The following NUP88 variants were observed in gnomAD, a reference collection of about 807,000 sequenced individuals.
NUP88 encodes nucleoporin 88.
Under a neutral mutation model 93.9 loss-of-function variants are expected in NUP88, and 57 were observed. The ratio of observed to expected loss-of-function variants is 0.61; its 90% confidence interval spans 0.49 to 0.76. The LOEUF (loss-of-function observed/expected upper bound fraction) is 0.76. Ranked by LOEUF, NUP88 falls within the 30% of genes least tolerant of loss-of-function variation. The pLI is 0.00. For synonymous variants in NUP88, 346 were observed against 336.8 expected (o/e 1.03, Z -0.30); for missense variants, 911 against 901.0 (o/e 1.01, Z -0.14).
intron 3 of NUP88, 22 bp downstream of exon 3, chr17:5,413,987 A>C (rs1567577494): frequency 6.2e-7 from 1 of 1,611,294 alleles, no homozygotes; most frequent in Non-Finnish European, 8.5e-7. Context: ...GCAAGGCTTC[A>C]AGAGAGAGAA....
At chr17:5,408,473 A>T (rs145403290) in intron 5 of NUP88, among the ~76,000 whole-genome samples, 297 of 152,330 alleles carry the variant, frequency 1.9e-3, no homozygotes, top group African/African-American at 6.7e-3. Context: ...ACTTGTTCGG[A>T]TAACTAGAAT....
chr17:5,407,616 ATTCTTCT>A (rs376491885), intron 5 of NUP88, among the ~76,000 whole-genome samples: 1 of 152,092 alleles, frequency 6.6e-6, no homozygotes, highest in African/African-American at 2.4e-5. Flanking sequence ...CTCTATTTTA[ATTCTTCT>A]TGTCTGTCAT....
intron 6 of NUP88, 26 bp from the exon 7 acceptor site, chr17:5,404,272 G>C: frequency 1.2e-6 from 2 of 1,609,130 alleles, no homozygotes; most frequent in South Asian, 1.1e-5. Flanking sequence ...TTGTAATTTT[G>C]ATCTTGCATG....
chr17:5,406,774 GAAA>G, intron 5 of NUP88, among the ~76,000 whole-genome samples: 1 of 50,488 alleles, frequency 2.0e-5, no homozygotes, highest in Middle Eastern at 0.011. Context: ...AAAAAAAAAA[GAAA>G]AGAAAAGAAA....
chr17:5,408,606 A>C (rs1913635004), intron 5 of NUP88, 127 bp downstream of exon 5: 5 of 660,460 alleles, frequency 7.6e-6, no homozygotes, highest in Non-Finnish European at 1.3e-5. Context: ...AAAATATGCA[A>C]GCCAAGCATG....
intron 10 of NUP88, among the ~76,000 whole-genome samples, chr17:5,390,545 C>G (rs887273388): frequency 1.3e-5 from 2 of 152,064 alleles, no homozygotes; most frequent in Non-Finnish European, 2.9e-5. Context: ...GGGGTGTTGT[C>G]TAGTGTTTGA....
In NUP88 at chr17:5,404,372, G is replaced by A. The variant is rs1363740974; in HGVS notation, c.1045-126C>T. 13 of 849,798 alleles carry A rather than the reference G, an allele frequency of 1.5e-5. No individual in the cohort carries two copies. The East Asian group carries it at 2.2e-4, about 14-fold the overall frequency. The allele number at this position is 849,798 out of a possible 1,614,324, so 52.6% of individuals were successfully genotyped here. ...TCTTGCCTGTAATCCCAGCACTTTG[G>A]GAGGCCGAGGCAGGTGGATCATCTG... On this transcript the variant is annotated intron_variant, in intron 6 of 16. Coordinates refer to ENST00000573584, the MANE Select transcript of NUP88 (RefSeq NM_002532.6).
chr17:5,408,588 C>A lies in NUP88; in HGVS notation c.857+145G>T, dbSNP rs9910917. On this transcript the variant is annotated intron_variant, in intron 5 of 16. Transcript: ENST00000573584. ...AAAGGCCAAATGACCTGTACTAACTCTTTCTCAAAAATATGCAAGCCAAGC... is the reference window on the plus strand; with the variant it reads ...AAAGGCCAAATGACCTGTACTAACTATTTCTCAAAAATATGCAAGCCAAGC... The A allele has an allele frequency of 8.5e-3, 5,073 of 593,940 alleles. 200 individuals carry two copies. The African/African-American group carries it at 0.086, about 10-fold the overall frequency. 36.8% of individuals were successfully genotyped at this position (593,940 alleles called of 1,614,324 possible). A position where few individuals can be genotyped will look rare whatever the true frequency, so the allele number is the denominator to read the frequency against.
rs201351645 is a variant in NUP88, at chr17:5,419,542, T to A, written c.109A>T (p.Thr37Ser). Residue 37 changes from threonine (T) to serine (S), a missense_variant, in exon 1 of 17, where the codon ACC (threonine) becomes TCC (serine). Transcript: ENST00000573584. Reference protein sequence around the residue: ...LREGLKNQSPTEAEKPASSSL... With the variant: ...LREGLKNQSPSEAEKPASSSL... ...GAAGAAGCTGGTTTCTCAGCTTCGG[T>A]TGGACTCTGGTTTTTCAGTCCCTCC... 4 of 1,613,452 alleles carry A rather than the reference T, an allele frequency of 2.5e-6. No homozygotes were observed. The highest frequency in any genetic ancestry group is 3.4e-6 in the Non-Finnish European group (4 of 1,179,658).
intron 5 of NUP88, among the ~76,000 whole-genome samples, chr17:5,407,324 C>CTCATTT: frequency 6.6e-6 from 1 of 152,332 alleles, no homozygotes; most frequent in African/African-American, 2.4e-5. Context: ...TACTCCATCA[C>CTCATTT]ACTCCTGAAG....
intron 9 of NUP88, among the ~76,000 whole-genome samples, chr17:5,393,263 C>G (rs747702929): frequency 1.8e-3 from 279 of 150,850 alleles, no homozygotes; most frequent in Non-Finnish European, 2.6e-3. Context: ...CCTCACCTAG[C>G]TAATTTTTAA....
rs776359080 is a variant in NUP88 at position 5,388,800 on chromosome 17, A to T, written c.1643+2T>A. 1 of 1,612,950 alleles carries T rather than the reference A, an allele frequency of 6.2e-7. No individual in the cohort carries two copies. Among genetic ancestry groups the T allele is most frequent in the Non-Finnish European group, 8.5e-7 (1 of 1,179,450 alleles). ...AAAACCGCTATGCCCAAGGTTGCAT[A>T]CTTCAAAAATGCTGGATTGGCAACA... On this transcript the variant is annotated splice_donor_variant, in intron 11 of 16. Transcript: ENST00000573584. LOFTEE classifies it high-confidence loss of function.
rs769884762 is a variant in NUP88, at chr17:5,411,694, T to C, written c.594-905A>G. ...AAAATTATTTTAATTTAAAGTAACCTACATTTCACAGCATATAAGGCTATT... is the reference window on the plus strand; with the variant it reads ...AAAATTATTTTAATTTAAAGTAACCCACATTTCACAGCATATAAGGCTATT... On this transcript the variant is annotated intron_variant, in intron 3 of 16. Transcript: ENST00000573584. 1.8e-4 allele frequency among the ~76,000 whole-genome samples: 27 copies of C among 152,094 alleles called. 1 individual carries two copies. Among genetic ancestry groups the C allele is most frequent in the Non-Finnish European group, 1.6e-4 (11 of 67,996 alleles).
chr17:5,392,520 TTTAAC>T (rs1912504368), intron 9 of NUP88, among the ~76,000 whole-genome samples: 1 of 152,044 alleles, frequency 6.6e-6, no homozygotes, highest in Admixed American at 6.6e-5. Flanking sequence ...GGTTGTAAAC[TTTAAC>T]TTTTTATTAT....
Position 5,419,382 on chromosome 17 carries a change from CCGCCGCCGCT to C in NUP88, c.259_268del (p.Ser87AlafsTer15). ...GTACTGGGACAGGGCGGGCTCTTCG[CCGCCGCCGCT>C]GGGGCCCCGAAGGCGAACGACTAAG... is the stretch of plus-strand genomic sequence containing the variant. On this transcript the variant is annotated frameshift_variant, in exon 1 of 17. Transcript: ENST00000573584. LOFTEE classifies it high-confidence loss of function. The C allele has an allele frequency of 6.2e-7, 1 of 1,600,312 alleles. No individual in the cohort carries two copies. The highest frequency in any genetic ancestry group is 8.5e-7 in the Non-Finnish European group (1 of 1,174,220).
At chr17:5,416,462 C>G (rs1422408313) in intron 2 of NUP88, 51 bp downstream of exon 2, 1 of 1,344,408 alleles carries the variant, frequency 7.4e-7, no homozygotes, top group Non-Finnish European at 1.0e-6. Flanking sequence ...TAGTCTTGAA[C>G]AATTTTCTGT....
intron 3 of NUP88, 24 bp downstream of exon 3, chr17:5,413,985 T>C (rs749279274): frequency 1.9e-5 from 30 of 1,610,918 alleles, no homozygotes; most frequent in Non-Finnish European, 2.5e-5. Flanking sequence ...TCGCAAGGCT[T>C]CAAGAGAGAG....
In NUP88 at chr17:5,404,335, G is replaced by A. The variant is rs545678318; in HGVS notation, c.1045-89C>T. ...ACAGGCAAAAAGCTGGGTCAGGGCC[G>A]GGTGCGGCTGTTCTTGCCTGTAATC... On this transcript the variant is annotated intron_variant, in intron 6 of 16. Coordinates refer to ENST00000573584, the MANE Select transcript of NUP88 (RefSeq NM_002532.6). 1,542 of 1,373,412 alleles carry A rather than the reference G, an allele frequency of 1.1e-3. 1 individual carries two copies. Among genetic ancestry groups the A allele is most frequent in the Non-Finnish European group, 1.1e-3 (1,089 of 983,884 alleles). The allele number at this position is 1,373,412 out of a possible 1,614,324, so 85.1% of individuals were successfully genotyped here. A position where few individuals can be genotyped will look rare whatever the true frequency, so the allele number is the denominator to read the frequency against.
intron 8 of NUP88, 123 bp from the exon 9 acceptor site, chr17:5,395,104 T>G (rs1567568288): frequency 1.5e-6 from 1 of 661,514 alleles, no homozygotes; most frequent in South Asian, 1.8e-5. Context: ...TCAAGTACTA[T>G]GCTTTTCTGA....
Sources: allele counts gnomAD v4.1 joint callset (sites outside exome capture counted in the v4.1 genomes callset), GRCh38; gene constraint gnomAD v4.1.1; transcripts MANE v1.5; gene names NCBI Gene and HGNC (gene_info 2026-07-23, HGNC 2026-07-21).